SCGN: variants seen among roughly 807,000 people sequenced by gnomAD.
SCGN encodes secretagogin, EF-hand calcium binding protein.
SCGN carries 30 observed loss-of-function variants against 39.7 expected under a neutral mutation model. The observed-to-expected ratio is 0.76, with a 90% CI of 0.57 to 1.03. SCGN has a LOEUF of 1.03. SCGN is among the 50% of genes least tolerant of loss of function. The pLI is 0.00. For missense variants in SCGN, 353 were observed against 349.4 expected (o/e 1.01, Z -0.08); for synonymous variants, 106 against 114.1 (o/e 0.93, Z 0.45).
At chr6:25,673,694 G>C (rs1759528549) in intron 6 of SCGN, among the ~76,000 whole-genome samples, 1 of 152,146 alleles carries the variant, frequency 6.6e-6, no homozygotes, top group Non-Finnish European at 1.5e-5. Context: ...GTGTGCTGCA[G>C]TTAAGTACTC....
chr6:25,654,370 C>T (rs1255488762), intron 2 of SCGN, among the ~76,000 whole-genome samples: 2 of 152,146 alleles, frequency 1.3e-5, no homozygotes, highest in East Asian at 1.9e-4. Context: ...TGGCTTCCGC[C>T]TTCTTCAGCC....
intron 3 of SCGN, among the ~76,000 whole-genome samples, chr6:25,662,471 A>G (rs1760353185): frequency 1.3e-5 from 2 of 152,176 alleles, no homozygotes; most frequent in South Asian, 4.1e-4. Flanking sequence ...TCAATCTGAA[A>G]CTAAGATATT....
intron 2 of SCGN, among the ~76,000 whole-genome samples, chr6:25,657,075 C>T (rs906610601): frequency 6.6e-6 from 1 of 152,130 alleles, no homozygotes; most frequent in South Asian, 2.1e-4. Flanking sequence ...GGTACATGAA[C>T]CCTCAAATGT....
rs11376402 is a variant in SCGN, at chr6:25,693,451, C to CAAA, written c.702+2350_702+2352dup. 7.8e-3 allele frequency among the ~76,000 whole-genome samples: 376 copies of CAAA among 48,026 alleles called. 4 individuals carry two copies. Among genetic ancestry groups the CAAA allele is most frequent in the Non-Finnish European group, 8.8e-3 (234 of 26,448 alleles). The allele number at this position is 48,026 out of a possible 152,430, so 31.5% of individuals were successfully genotyped here. On this transcript the variant is annotated intron_variant, in intron 10 of 10. Transcript: ENST00000377961. Reference sequence around the variant, plus strand: ...TGGGCAACAGAGCGAGACTCCGTCTCAAAAAAAAAAAAAAAAAAAAAAAAA... The same window carrying CAAA: ...TGGGCAACAGAGCGAGACTCCGTCTCAAAAAAAAAAAAAAAAAAAAAAAAAAAA...
intron 3 of SCGN, among the ~76,000 whole-genome samples, chr6:25,663,568 T>C: frequency 6.6e-6 from 1 of 152,158 alleles, no homozygotes. Context: ...TATTATTATC[T>C]CCATTTTCCA....
intron 6 of SCGN, among the ~76,000 whole-genome samples, chr6:25,676,016 C>G (rs1759559107): frequency 6.6e-6 from 1 of 152,162 alleles, no homozygotes; most frequent in East Asian, 1.9e-4. Context: ...TGACCTTTCC[C>G]CAAAGATCTG....
intron 10 of SCGN, among the ~76,000 whole-genome samples, chr6:25,697,827 T>C (rs1045562581): frequency 2.0e-5 from 3 of 152,256 alleles, no homozygotes; most frequent in South Asian, 2.1e-4. Context: ...TGAAAGATTA[T>C]GATACAGTGT....
intron 4 of SCGN, among the ~76,000 whole-genome samples, chr6:25,668,747 GA>G (rs1206146371): frequency 1.3e-5 from 2 of 151,874 alleles, no homozygotes; most frequent in East Asian, 3.9e-4. Context: ...TTACCACTCT[GA>G]GTTTATGCTT....
chr6:25,667,342 T>C (rs1760440070), intron 4 of SCGN, among the ~76,000 whole-genome samples: 1 of 152,226 alleles, frequency 6.6e-6, no homozygotes, highest in African/African-American at 2.4e-5. Context: ...TCCCTTTCTG[T>C]ACCCAACTTT....
chr6:25,687,645 C>T (rs1465098187), intron 7 of SCGN, among the ~76,000 whole-genome samples: 1 of 152,022 alleles, frequency 6.6e-6, no homozygotes, highest in Non-Finnish European at 1.5e-5. Context: ...TTACTTCTTT[C>T]TATTCTGCCA....
intron 7 of SCGN, 55 bp downstream of exon 7, chr6:25,682,061 A>G: frequency 7.6e-7 from 1 of 1,308,224 alleles, no homozygotes; most frequent in Non-Finnish European, 1.1e-6. Context: ...TAGGGGTCTG[A>G]TGACATCATA....
At chr6:25,692,162 A>C (rs1759781306) in intron 10 of SCGN, among the ~76,000 whole-genome samples, 1 of 152,148 alleles carries the variant, frequency 6.6e-6, no homozygotes, top group Non-Finnish European at 1.5e-5. Context: ...ATAACTGATG[A>C]GTATTGGTGT....
At chr6:25,687,654 C>G (rs1759722626) in intron 7 of SCGN, among the ~76,000 whole-genome samples, 1 of 151,998 alleles carries the variant, frequency 6.6e-6, no homozygotes, top group Non-Finnish European at 1.5e-5. Context: ...TCTATTCTGC[C>G]AATCTCTGCT....
chr6:25,665,245 A>G (rs2151378248), intron 4 of SCGN, among the ~76,000 whole-genome samples: 1 of 152,232 alleles, frequency 6.6e-6, no homozygotes, highest in South Asian at 2.1e-4. Flanking sequence ...CTGAGCTGAC[A>G]GGCTCCTTTA....
chr6:25,675,334 T>A (rs1210144370), intron 6 of SCGN, among the ~76,000 whole-genome samples: 2 of 152,198 alleles, frequency 1.3e-5, no homozygotes, highest in African/African-American at 4.8e-5. Flanking sequence ...CTGGGCACCA[T>A]AGTGAAGGTT....
chr6:25,676,399 C>T (rs1759563235), intron 6 of SCGN, among the ~76,000 whole-genome samples: 1 of 152,244 alleles, frequency 6.6e-6, no homozygotes, highest in Non-Finnish European at 1.5e-5. Flanking sequence ...CACACCAAGT[C>T]ATCACCTTTC....
At chr6:25,692,703 G>A (rs941697874) in intron 10 of SCGN, among the ~76,000 whole-genome samples, 42 of 152,352 alleles carry the variant, frequency 2.8e-4, no homozygotes, top group African/African-American at 9.4e-4. Flanking sequence ...GTGGGAGGCA[G>A]CTGGGCTGGG....
intron 2 of SCGN, among the ~76,000 whole-genome samples, chr6:25,654,627 C>T (rs1239367553): frequency 6.6e-6 from 1 of 152,136 alleles, no homozygotes; most frequent in Non-Finnish European, 1.5e-5. Context: ...TTTCCAGTCT[C>T]TCTGCTTCTC....
chr6:25,685,301 C>T (rs1348008552), intron 7 of SCGN, among the ~76,000 whole-genome samples: 5 of 152,152 alleles, frequency 3.3e-5, no homozygotes, highest in African/African-American at 1.2e-4. Flanking sequence ...AACAAAGAGG[C>T]CTTAAAACAT....
Sources: allele counts gnomAD v4.1 joint callset (sites outside exome capture counted in the v4.1 genomes callset), GRCh38; gene constraint gnomAD v4.1.1; transcripts MANE v1.5; gene names NCBI Gene and HGNC (gene_info 2026-07-23, HGNC 2026-07-21).